EPHB1: variants seen among roughly 807,000 people sequenced by gnomAD.
EPHB1 encodes ephrin type-B receptor 1.
Under a neutral mutation model 94.4 loss-of-function variants are expected in EPHB1, and 30 were observed. The ratio of observed to expected loss-of-function variants is 0.32; its 90% CI spans 0.24 to 0.43. The LOEUF (loss-of-function observed/expected upper bound fraction) is 0.43, where lower values mean the gene tolerates loss of function less well. EPHB1 is among the 20% of genes least tolerant of loss of function. The probability of loss-of-function intolerance (pLI) is 1.00; values close to 1 mark genes in which losing one functional copy is unlikely to be tolerated. For synonymous variants in EPHB1, 522 were observed against 489.1 expected (o/e 1.07, Z -0.89); for missense variants, 1,055 against 1,308.3 (o/e 0.81, Z 2.99).
chr3:134,964,835 A>G (rs1312692603), intron 3 of EPHB1, among the ~76,000 whole-genome samples: 1 of 152,238 alleles, frequency 6.6e-6, no homozygotes, highest in African/African-American at 2.4e-5. Flanking sequence ...AAAGAAACAT[A>G]CATTTCATTG....
At chr3:134,812,339 C>G (rs188782178) in intron 1 of EPHB1, among the ~76,000 whole-genome samples, 1 of 152,290 alleles carries the variant, frequency 6.6e-6, no homozygotes, top group East Asian at 1.9e-4. Context: ...TTTTGCTTTT[C>G]TAAAAGCTCA....
At chr3:134,959,917 T>C (rs1194520368) in intron 3 of EPHB1, among the ~76,000 whole-genome samples, 1 of 146,352 alleles carries the variant, frequency 6.8e-6, no homozygotes, top group Non-Finnish European at 1.5e-5. Flanking sequence ...CATCTCTTGC[T>C]GTGGCTGGAC....
intron 5 of EPHB1, among the ~76,000 whole-genome samples, chr3:135,153,699 A>T (rs1941265063): frequency 6.6e-6 from 1 of 152,228 alleles, no homozygotes; most frequent in East Asian, 1.9e-4. Context: ...GTAATTCTAT[A>T]CCAACTGGTT....
At chr3:134,924,985 T>C (rs907637328) in intron 1 of EPHB1, among the ~76,000 whole-genome samples, 4 of 152,236 alleles carry the variant, frequency 2.6e-5, no homozygotes, top group African/African-American at 7.2e-5. Context: ...ATGTTTATTA[T>C]GTTAATTTGT....
chr3:135,087,229 T>G (rs768609442), intron 3 of EPHB1, among the ~76,000 whole-genome samples: 1 of 152,166 alleles, frequency 6.6e-6, no homozygotes, highest in African/African-American at 2.4e-5. Flanking sequence ...TAGCCCCCAC[T>G]GATGAATTTG....
At chr3:135,130,765 G>A (rs779931529) in intron 4 of EPHB1, among the ~76,000 whole-genome samples, 1 of 152,184 alleles carries the variant, frequency 6.6e-6, no homozygotes, top group East Asian at 1.9e-4. Flanking sequence ...TCCCAAGGAT[G>A]CAGTGAGATA....
intron 3 of EPHB1, among the ~76,000 whole-genome samples, chr3:135,014,504 G>T (rs905801886): frequency 6.6e-6 from 1 of 152,228 alleles, no homozygotes; most frequent in African/African-American, 2.4e-5. Context: ...GTAGGGGAAG[G>T]CTGCTTCTAG....
intron 12 of EPHB1, among the ~76,000 whole-genome samples, chr3:135,227,638 A>G (rs976492474): frequency 6.6e-6 from 1 of 152,192 alleles, no homozygotes; most frequent in African/African-American, 2.4e-5. Flanking sequence ...ACAACATTTC[A>G]GTGAAAATTC....
intron 12 of EPHB1, among the ~76,000 whole-genome samples, chr3:135,238,022 A>G (rs973599814): frequency 1.3e-5 from 2 of 152,224 alleles, no homozygotes; most frequent in African/African-American, 4.8e-5. Flanking sequence ...ACATAATTGA[A>G]GACAAGTTAT....
chr3:135,019,024 G>A (rs1241766614), intron 3 of EPHB1, among the ~76,000 whole-genome samples: 1 of 152,090 alleles, frequency 6.6e-6, no homozygotes, highest in African/African-American at 2.4e-5. Flanking sequence ...GTCTGTCTGT[G>A]AGCACCACGT....
In EPHB1 at chr3:135,157,478, A is replaced by T. The variant is rs114778587; in HGVS notation, c.1422+3202A>T. Among the ~76,000 whole-genome samples, 1,379 of 152,204 alleles carry T rather than the reference A, an allele frequency of 9.1e-3. 17 individuals are homozygous for T. Among genetic ancestry groups the T allele is most frequent in the African/African-American group, 0.032 (1,313 of 41,538 alleles). Reference sequence around the variant, plus strand: ...AGCAGCTTATTCTCCCATTCAGGCTACCTCCCTGCTTCTTAGTAATTTGTA... The same window carrying T: ...AGCAGCTTATTCTCCCATTCAGGCTTCCTCCCTGCTTCTTAGTAATTTGTA... On this transcript the variant is annotated intron_variant, in intron 6 of 15. Transcript: ENST00000398015.
chr3:135,210,422 T>A (rs185036763), intron 12 of EPHB1, among the ~76,000 whole-genome samples: 12 of 152,296 alleles, frequency 7.9e-5, no homozygotes, highest in Non-Finnish European at 1.5e-5. Context: ...GAGTCATCGT[T>A]GGCATACAAA....
chr3:135,248,644 G>A (rs1480481005), intron 14 of EPHB1, 135 bp downstream of exon 14: 3 of 755,616 alleles, frequency 4.0e-6, no homozygotes, highest in African/African-American at 1.8e-5. Flanking sequence ...ATGTTGAGGA[G>A]AGCAACATGC....
At chr3:134,940,549 A>AGCACC (rs1560306748) in intron 2 of EPHB1, among the ~76,000 whole-genome samples, 42 of 152,240 alleles carry the variant, frequency 2.8e-4, no homozygotes, top group Admixed American at 2.5e-3. Flanking sequence ...TTTCTCAGCA[A>AGCACC]TGGGCCAGGC....
chr3:135,029,237 G>A, intron 3 of EPHB1, among the ~76,000 whole-genome samples: 1 of 144,366 alleles, frequency 6.9e-6, no homozygotes, highest in East Asian at 2.1e-4. Context: ...AAAGTTAATA[G>A]TGTTATGTGT....
rs371894708 is a variant in EPHB1, at chr3:134,900,608, G to T, written c.59-25208G>T. Among the ~76,000 whole-genome samples, 30 of 152,296 alleles carry T rather than the reference G, an allele frequency of 2.0e-4. No homozygotes were observed. In the South Asian group the frequency reaches 6.0e-3, roughly 30 times the overall value. On this transcript the variant is annotated intron_variant, in intron 1 of 15. Coordinates refer to ENST00000398015, the MANE Select transcript of EPHB1 (RefSeq NM_004441.5). ...TGGGTTAACGGGGCCCAGTGAGGAG[G>T]TAGACCTGGCAGAGAGATGGGAAAA...
chr3:135,109,372 C>T (rs1939346889), intron 4 of EPHB1, among the ~76,000 whole-genome samples: 1 of 152,174 alleles, frequency 6.6e-6, no homozygotes, highest in African/African-American at 2.4e-5. Flanking sequence ...ATTTTATTCT[C>T]ACGACTTCAT....
chr3:135,015,194 C>T (rs1008541221), intron 3 of EPHB1, among the ~76,000 whole-genome samples: 1 of 152,138 alleles, frequency 6.6e-6, no homozygotes, highest in African/African-American at 2.4e-5. Flanking sequence ...CTGCCGCTTT[C>T]ATCTCCCAGT....
At chr3:134,998,626 T>TA (rs1253455071) in intron 3 of EPHB1, among the ~76,000 whole-genome samples, 2 of 152,188 alleles carry the variant, frequency 1.3e-5, no homozygotes, top group Non-Finnish European at 2.9e-5. Context: ...ATAAATTTGC[T>TA]AAAAAATGTG....
Sources: gnomAD v4.1 joint callset for allele counts (sites outside exome capture counted in the v4.1 genomes callset) on GRCh38, gnomAD v4.1.1 for gene constraint, MANE v1.5 for transcripts, NCBI Gene and HGNC (gene_info 2026-07-23, HGNC 2026-07-21) for gene names.